Variants in FBXO38 observed in about 807,000 individuals in gnomAD.
The protein encoded by FBXO38 is F-box protein 38.
Under a neutral mutation model 131.9 loss-of-function variants are expected in FBXO38, and 53 were observed. The observed-to-expected ratio is 0.40, with a 90% CI of 0.32 to 0.51. The LOEUF (loss-of-function observed/expected upper bound fraction) is 0.51, where lower values mean the gene tolerates loss of function less well. FBXO38 is among the 20% of genes least tolerant of loss of function. The pLI is 0.53. For synonymous variants in FBXO38, 452 were observed against 505.6 expected (o/e 0.89, Z 1.42); for missense variants, 1,076 against 1,475.6 (o/e 0.73, Z 4.44).
chr5:148,407,552 A>G (rs1294865744), intron 7 of FBXO38, among the ~76,000 whole-genome samples: 4 of 152,190 alleles, frequency 2.6e-5, no homozygotes, highest in South Asian at 4.1e-4. Flanking sequence ...AGCATTTACC[A>G]TAAAGAAAAT....
chr5:148,389,879 A>G (rs1188859158), intron 1 of FBXO38: 2 of 152,146 alleles, frequency 1.3e-5, no homozygotes, highest in African/African-American at 2.4e-5. Flanking sequence ...AAATACAAAA[A>G]TTAGCCGGGT....
intron 11 of FBXO38, 55 bp downstream of exon 11, chr5:148,416,125 C>T (rs887866869): frequency 3.5e-6 from 5 of 1,413,938 alleles, no homozygotes; most frequent in Non-Finnish European, 4.7e-6. Flanking sequence ...AAAATAAAAA[C>T]AGCCTGTGAT....
At chr5:148,386,314 C>T (rs1361743124) in intron 1 of FBXO38, among the ~76,000 whole-genome samples, 1 of 152,126 alleles carries the variant, frequency 6.6e-6, no homozygotes, top group Non-Finnish European at 1.5e-5. Flanking sequence ...GTCTGTATCC[C>T]AGCCTGAACC....
At chr5:148,385,646 G>GT (rs1757874712) in intron 1 of FBXO38, among the ~76,000 whole-genome samples, 2 of 152,102 alleles carry the variant, frequency 1.3e-5, no homozygotes, top group South Asian at 4.1e-4. Flanking sequence ...TTTGTGTGTG[G>GT]TTTTTATCTG....
intron 4 of FBXO38, 59 bp from the exon 5 acceptor site, chr5:148,402,289 A>C: frequency 6.4e-7 from 1 of 1,558,276 alleles, no homozygotes; most frequent in African/African-American, 1.4e-5. Context: ...TGTGGTACAT[A>C]AAGCTTTGGA....
chr5:148,414,845 C>G (rs13354454), intron 10 of FBXO38, among the ~76,000 whole-genome samples: 38,140 of 152,008 alleles, frequency 0.25, 4,833 homozygotes, highest in South Asian at 0.29. Flanking sequence ...TCATTTTCCT[C>G]TCAGAGTAAT....
rs376053317 is a variant in FBXO38 at position 148,434,006 on chromosome 5, A to G, written c.2857+269A>G. The G allele has an allele frequency of 1.9e-4, 45 of 239,946 alleles. No homozygotes were observed. In the East Asian group the frequency reaches 1.9e-3, roughly 10 times the overall value. 14.9% of individuals were successfully genotyped at this position (239,946 alleles called of 1,614,324 possible). A position where few individuals can be genotyped will look rare whatever the true frequency, so the allele number is the denominator to read the frequency against. ...TCTGGCAGAGTAAATAACAGCCTGC[A>G]CAGGCTTTGGAGTCAGATAGACCTC... On this transcript the variant is annotated intron_variant, in intron 17 of 21. Coordinates refer to ENST00000340253, the MANE Select transcript of FBXO38 (RefSeq NM_205836.3).
intron 7 of FBXO38, 84 bp downstream of exon 7, chr5:148,406,478 G>C (rs1466488957): frequency 2.8e-5 from 33 of 1,171,688 alleles, no homozygotes; most frequent in Admixed American, 6.7e-5. Context: ...TCCCTGGCAA[G>C]TCTTTAAAAA....
Position 148,427,805 on chromosome 5 carries a change from T to C in FBXO38, c.2511T>C (p.Ser837=), listed in dbSNP as rs559038008. Residue 837 remains serine, a synonymous_variant, in exon 15 of 22, where the codon AGT becomes AGC. Coordinates refer to ENST00000340253, the MANE Select transcript of FBXO38 (RefSeq NM_205836.3). ...CACATGATGAGAGGACTAATGGGAG[T>C]GGCTCTGGGGCTACAGGTGAGGACA... ...GPAHDERTNG[S]GSGATGEDRR... 1.2e-6 allele frequency: 2 copies of C among 1,605,410 alleles called. No individual in the cohort carries two copies. Among genetic ancestry groups the C allele is most frequent in the East Asian group, 4.5e-5 (2 of 44,816 alleles).
chr5:148,410,779 C>T lies in FBXO38; in HGVS notation c.1093+14C>T, dbSNP rs748179851. On this transcript the variant is annotated intron_variant, in intron 9 of 21. Coordinates refer to ENST00000340253, the MANE Select transcript of FBXO38 (RefSeq NM_205836.3). ...TTTTGCTACAGAGTAAGATTTATCC[C>T]ATTTTAATTCCTAGAATTACTGTAA... 6.3e-7 allele frequency: 1 copy of T among 1,584,816 alleles called. No individual in the cohort carries two copies. Among genetic ancestry groups the T allele is most frequent in the South Asian group, 1.2e-5 (1 of 85,736 alleles).
At chr5:148,422,291 C>T (rs928076802) in intron 12 of FBXO38, among the ~76,000 whole-genome samples, 1 of 152,174 alleles carries the variant, frequency 6.6e-6, no homozygotes, top group African/African-American at 2.4e-5. Context: ...TCCACCACTA[C>T]ATCATTCTTG....
At chr5:148,399,252 A>G in intron 3 of FBXO38, 120 bp downstream of exon 3, 1 of 1,109,418 alleles carries the variant, frequency 9.0e-7, no homozygotes. Flanking sequence ...TAGGCTGGCA[A>G]GATTTTGTCT....
intron 18 of FBXO38, among the ~76,000 whole-genome samples, chr5:148,439,313 CA>C (rs745958662): frequency 3.6e-4 from 55 of 152,338 alleles, no homozygotes; most frequent in Non-Finnish European, 6.5e-4. Context: ...TACACATTCA[CA>C]GTTCTATAAT....
At chr5:148,385,509 C>T (rs1010927668) in intron 1 of FBXO38, among the ~76,000 whole-genome samples, 3 of 152,220 alleles carry the variant, frequency 2.0e-5, no homozygotes, top group African/African-American at 7.2e-5. Flanking sequence ...GCCTCTGTGA[C>T]TTTGGACAAG....
At chr5:148,409,046 T>TA (rs1260937984) in intron 7 of FBXO38, 78 bp from the exon 8 acceptor site, 1 of 749,602 alleles carries the variant, frequency 1.3e-6, no homozygotes, top group Non-Finnish European at 2.3e-6. Context: ...TCTCAGATAA[T>TA]ACTTTATAAT....
At chr5:148,387,966 A>C (rs1324194708) in intron 1 of FBXO38, among the ~76,000 whole-genome samples, 1 of 152,166 alleles carries the variant, frequency 6.6e-6, no homozygotes. Context: ...CTGGGATTAC[A>C]GGTGTGAGCC....
At chr5:148,389,111 C>T (rs944586350) in intron 1 of FBXO38, among the ~76,000 whole-genome samples, 2 of 152,148 alleles carry the variant, frequency 1.3e-5, no homozygotes, top group African/African-American at 4.8e-5. Flanking sequence ...GCCAGTGGAG[C>T]AGTTAGAACG....
intron 3 of FBXO38, among the ~76,000 whole-genome samples, chr5:148,400,402 C>T (rs1752078260): frequency 6.6e-6 from 1 of 152,058 alleles, no homozygotes; most frequent in South Asian, 2.1e-4. Context: ...TGGCAGAACT[C>T]CCATGTGATA....
In FBXO38 at chr5:148,394,903, A is replaced by G; in HGVS notation, c.127A>G (p.Arg43Gly). 2 of 1,583,706 alleles carry G rather than the reference A, an allele frequency of 1.3e-6. No homozygotes were observed. The highest frequency in any genetic ancestry group is 1.7e-6 in the Non-Finnish European group (2 of 1,165,372). ...LSHEVLCHIF[R>G]YLPLQDIMCM... is the part of the protein sequence containing the mutation. The stretch of plus-strand genomic sequence containing the variant: ...ACATGAAGTACTTTGCCATATTTTT[A>G]GGTAAGATTGTGTTTGGTTGGCTTA... The change falls in exon 2 of 22, where the codon AGG becomes GGG. Residue 43 changes from arginine (R) to glycine (G), a missense_variant and splice_region_variant. Coordinates refer to ENST00000340253, the MANE Select transcript of FBXO38 (RefSeq NM_205836.3).
Sources: gnomAD v4.1 joint callset for allele counts (sites outside exome capture counted in the v4.1 genomes callset) on GRCh38, gnomAD v4.1.1 for gene constraint, MANE v1.5 for transcripts, NCBI Gene and HGNC (gene_info 2026-07-23, HGNC 2026-07-21) for gene names.